ZNF610: variants seen among roughly 807,000 people sequenced by gnomAD.
ZNF610 encodes the protein zinc finger protein 610.
A neutral mutation model predicts 14.1 loss-of-function variants in ZNF610; 14 were observed. That is an observed-to-expected ratio of 0.99 (90% confidence interval 0.65 to 1.55). The LOEUF (loss-of-function observed/expected upper bound fraction) is 1.55. ZNF610 is among the 40% of genes most tolerant of loss of function. ZNF610 has a pLI of 0.00. For synonymous variants in ZNF610, 185 were observed against 187.6 expected (o/e 0.99, Z 0.11); for missense variants, 530 against 558.0 (o/e 0.95, Z 0.51).
rs146643094 is a variant in ZNF610, at chr19:52,346,357, G to A, written c.-257-1350G>A. ...TTTTTGTATTTTTAGTAGAGACGGGGTTTCACCATGTTGGTCAGTCTGGTG... is the reference window on the plus strand; with the variant it reads ...TTTTTGTATTTTTAGTAGAGACGGGATTTCACCATGTTGGTCAGTCTGGTG... On this transcript the variant is annotated intron_variant, in intron 1 of 5. Transcript: ENST00000403906. Among the ~76,000 whole-genome samples, 452 of 151,490 alleles carry A rather than the reference G, an allele frequency of 3.0e-3. 1 individual carries two copies. Among genetic ancestry groups the A allele is most frequent in the South Asian group, 6.9e-3 (33 of 4,816 alleles).
upstream of ZNF610, among the ~76,000 whole-genome samples, chr19:52,336,056 T>C (rs1984355598): frequency 6.6e-6 from 1 of 152,122 alleles, no homozygotes. Context: ...TAGCAGGAAA[T>C]TTCCTGGATC....
intron 5 of ZNF610, among the ~76,000 whole-genome samples, chr19:52,363,127 CTTT>C (rs1280670705): frequency 2.8e-5 from 4 of 141,800 alleles, no homozygotes; most frequent in Middle Eastern, 3.6e-3. Flanking sequence ...GTTCTATCCC[CTTT>C]TTTTTTTTTT....
intron 5 of ZNF610, 34 bp from the exon 6 acceptor site, chr19:52,365,664 A>T: frequency 6.5e-7 from 1 of 1,546,246 alleles, no homozygotes; most frequent in Non-Finnish European, 8.7e-7. Flanking sequence ...TGCCAGAATC[A>T]TGGGTTCATG....
At chr19:52,365,646 G>C in intron 5 of ZNF610, 52 bp from the exon 6 acceptor site, 3 of 1,502,786 alleles carry the variant, frequency 2.0e-6, no homozygotes, top group South Asian at 2.6e-5. Context: ...TCCACCAGAC[G>C]GTAAACATGC....
intron 1 of ZNF610, among the ~76,000 whole-genome samples, chr19:52,346,048 G>A (rs1984938400): frequency 6.6e-6 from 1 of 151,274 alleles, no homozygotes; most frequent in Non-Finnish European, 1.5e-5. Context: ...ACCCAGGCTG[G>A]AATGTAGTAG....
chr19:52,333,217 T>G (rs1984248564), upstream of ZNF610, among the ~76,000 whole-genome samples: 1 of 152,040 alleles, frequency 6.6e-6, no homozygotes, highest in Non-Finnish European at 1.5e-5. Flanking sequence ...GGCAATCAGG[T>G]GTATGTTTAT....
At chr19:52,363,987 C>G (rs1457706479) in intron 5 of ZNF610, among the ~76,000 whole-genome samples, 1 of 151,920 alleles carries the variant, frequency 6.6e-6, no homozygotes, top group Non-Finnish European at 1.5e-5. Context: ...TGCTTTGATC[C>G]CCTTCTCATC....
chr19:52,332,305 C>T (rs1397936359), upstream of ZNF610, among the ~76,000 whole-genome samples: 6 of 152,294 alleles, frequency 3.9e-5, no homozygotes, highest in Admixed American at 2.0e-4. The surrounding 1 kb of genome is among the most constrained non-coding windows in gnomAD (Gnocchi z 4.1). Context: ...AGCTATTATG[C>T]GTAACCCATG....
intron 5 of ZNF610, among the ~76,000 whole-genome samples, chr19:52,364,198 G>A (rs944396362): frequency 6.6e-6 from 1 of 152,128 alleles, no homozygotes; most frequent in Non-Finnish European, 1.5e-5. Flanking sequence ...ACACATTTTA[G>A]TGCTTTTTAA....
intron 1 of ZNF610, chr19:52,347,198 T>C (rs1439783357): frequency 6.6e-6 from 1 of 152,232 alleles, no homozygotes; most frequent in African/African-American, 2.4e-5. Context: ...TGGGACAAGA[T>C]GTGGCACTGG....
intron 1 of ZNF610, among the ~76,000 whole-genome samples, chr19:52,344,735 T>C (rs8104612): frequency 0.62 from 94,716 of 152,050 alleles, 30,279 homozygotes; most frequent in African/African-American, 0.77. Flanking sequence ...ATGAAGAATG[T>C]ACAACTTTTA....
chr19:52,362,366 G>T (rs1304052860), intron 5 of ZNF610, among the ~76,000 whole-genome samples: 1 of 152,178 alleles, frequency 6.6e-6, no homozygotes, highest in Non-Finnish European at 1.5e-5. Context: ...AGCCGAGATC[G>T]CACCACTGCA....
chr19:52,346,854 T>C (rs1382418826), intron 1 of ZNF610, among the ~76,000 whole-genome samples: 2 of 152,040 alleles, frequency 1.3e-5, no homozygotes, highest in Non-Finnish European at 2.9e-5. Flanking sequence ...CTCGGCCTCC[T>C]GAGTAGCTGG....
At chr19:52,340,670 A>AATT (rs34182877) in intron 1 of ZNF610, among the ~76,000 whole-genome samples, 95,041 of 145,980 alleles carry the variant, frequency 0.65, 31,428 homozygotes, top group Non-Finnish European at 0.72. Context: ...TTGTCTAGGA[A>AATT]ATTATTATTA....
chr19:52,343,105 C>T (rs1053978186), intron 1 of ZNF610, among the ~76,000 whole-genome samples: 4 of 152,068 alleles, frequency 2.6e-5, no homozygotes, highest in African/African-American at 9.7e-5. Flanking sequence ...CAAAAGAGAC[C>T]CTGAACTCCC....
At chr19:52,364,183 C>T (rs1441832388) in intron 5 of ZNF610, among the ~76,000 whole-genome samples, 1 of 152,178 alleles carries the variant, frequency 6.6e-6, no homozygotes, top group Non-Finnish European at 1.5e-5. Flanking sequence ...GTAATATTCC[C>T]ATTAACACAT....
intron 1 of ZNF610, among the ~76,000 whole-genome samples, chr19:52,342,431 C>T (rs1467754023): frequency 1.3e-5 from 2 of 152,016 alleles, no homozygotes; most frequent in African/African-American, 4.8e-5. Context: ...CTTTCTTTCC[C>T]TGTCAGCAGC....
intron 1 of ZNF610, among the ~76,000 whole-genome samples, chr19:52,342,744 C>G (rs1211477931): frequency 2.0e-5 from 3 of 152,066 alleles, no homozygotes; most frequent in East Asian, 3.9e-4. Context: ...TCAGGCTGGT[C>G]TTGAACTCCT....
In ZNF610 at chr19:52,354,296, G is replaced by C; in HGVS notation, c.236G>C (p.Arg79Thr). 6.2e-7 allele frequency: 1 copy of C among 1,614,126 alleles called. No homozygotes were observed. The highest frequency in any genetic ancestry group is 8.5e-7 in the Non-Finnish European group (1 of 1,180,026). Residue 79 changes from arginine to threonine, a missense_variant, in exon 5 of 6, where the codon AGG (arginine) becomes ACG (threonine). Physicochemically the swap from Arg to Thr is moderately conservative, Grantham distance 71. Transcript: ENST00000403906. ...AGTATTATTTCCATGTTGAAGCAAA[G>C]GAGAGAGCCCTTGATTCTGCAAAGT... ...DLSIISMLKQ[R>T]REPLILQSQV... is the part of the protein sequence containing the mutation.
Sources: gnomAD v4.1 joint callset for allele counts (sites outside exome capture counted in the v4.1 genomes callset) on GRCh38, gnomAD v4.1.1 for gene constraint, Gnocchi (gnomAD v3.1) non-coding constraint, MANE v1.5 for transcripts, NCBI Gene and HGNC (gene_info 2026-07-23, HGNC 2026-07-21) for gene names.